The following CSMD1 variants were observed in gnomAD, a reference collection of about 807,000 sequenced individuals.
CSMD1 encodes CUB and sushi domain-containing protein 1.
In CSMD1, 213 loss-of-function variants were observed where a neutral mutation model predicts 417.5. That is an observed-to-expected ratio of 0.51 (90% CI 0.46 to 0.57). CSMD1 has a LOEUF of 0.57. CSMD1 is among the 20% of genes least tolerant of loss of function. CSMD1 has a pLI of 0.00. For synonymous variants in CSMD1, 2,862 were observed against 1,736.8 expected, an observed-to-expected ratio of 1.65 and a Z score of -16.11; for missense variants, 6,923 against 4,529.7, an observed-to-expected ratio of 1.53 and a Z score of -15.17.
intron 1 of CSMD1, among the ~76,000 whole-genome samples, chr8:4,895,857 T>C (rs894285497): frequency 5.3e-5 from 8 of 152,296 alleles, no homozygotes; most frequent in African/African-American, 1.9e-4. Flanking sequence ...TTATTTATCT[T>C]CCTTTCACTT....
At chr8:4,603,618 A>G (rs1800709017) in intron 2 of CSMD1, among the ~76,000 whole-genome samples, 1 of 152,158 alleles carries the variant, frequency 6.6e-6, no homozygotes. Flanking sequence ...ACATGAAAAT[A>G]AAATGAATAT....
At chr8:3,504,623 T>C (rs1796746867) in intron 10 of CSMD1, among the ~76,000 whole-genome samples, 1 of 152,208 alleles carries the variant, frequency 6.6e-6, no homozygotes, top group East Asian at 1.9e-4. Flanking sequence ...AACTCATCTG[T>C]CTTCTCTCTG....
chr8:4,306,366 C>T (rs1798246519), intron 3 of CSMD1, among the ~76,000 whole-genome samples: 1 of 151,260 alleles, frequency 6.6e-6, no homozygotes, highest in Non-Finnish European at 1.5e-5. Context: ...AATCAATGAG[C>T]CTCACTCTGA....
intron 47 of CSMD1, among the ~76,000 whole-genome samples, chr8:3,092,045 G>C (rs887930014): frequency 6.6e-6 from 1 of 152,126 alleles, no homozygotes; most frequent in East Asian, 1.9e-4. Context: ...GAATCACTTT[G>C]GAGGGCTGTT....
chr8:4,133,338 C>T (rs532792293), intron 3 of CSMD1, among the ~76,000 whole-genome samples: 1 of 152,314 alleles, frequency 6.6e-6, no homozygotes, highest in South Asian at 2.1e-4. Context: ...ATAGACTTCT[C>T]AGCATGGTAA....
chr8:3,163,994 T>C (rs1378752345), intron 37 of CSMD1, among the ~76,000 whole-genome samples: 1 of 152,200 alleles, frequency 6.6e-6, no homozygotes, highest in Non-Finnish European at 1.5e-5. Context: ...GCCTGGATGA[T>C]GGAGCCTGTA....
intron 2 of CSMD1, among the ~76,000 whole-genome samples, chr8:4,467,560 G>C (rs1442494483): frequency 2.6e-5 from 4 of 152,138 alleles, no homozygotes; most frequent in Non-Finnish European, 4.4e-5. Flanking sequence ...TTGAAAAATT[G>C]TTATTTTAAG....
chr8:3,793,152 C>G (rs1167961312), intron 5 of CSMD1, among the ~76,000 whole-genome samples: 2 of 152,112 alleles, frequency 1.3e-5, no homozygotes, highest in African/African-American at 4.8e-5. Context: ...AATAATTTAC[C>G]ACTTTGCAGA....
At chr8:4,538,925 T>C (rs898914301) in intron 2 of CSMD1, among the ~76,000 whole-genome samples, 1 of 152,192 alleles carries the variant, frequency 6.6e-6, no homozygotes, top group Admixed American at 6.5e-5. Flanking sequence ...AAAGCCCATA[T>C]TGAATGCAGA....
At chr8:2,949,803 C>A (rs913830105) in intron 67 of CSMD1, among the ~76,000 whole-genome samples, 4 of 152,080 alleles carry the variant, frequency 2.6e-5, no homozygotes, top group African/African-American at 9.7e-5. Context: ...AGAACACGAA[C>A]AAATGGTTAA....
chr8:4,565,015 G>C (rs1478069153), intron 2 of CSMD1, among the ~76,000 whole-genome samples: 1 of 152,158 alleles, frequency 6.6e-6, no homozygotes, highest in East Asian at 1.9e-4. Context: ...AATGATAGAT[G>C]TCTGTCATCT....
intron 10 of CSMD1, among the ~76,000 whole-genome samples, chr8:3,521,400 T>C (rs2117452055): frequency 6.6e-6 from 1 of 152,300 alleles, no homozygotes; most frequent in South Asian, 2.1e-4. Flanking sequence ...AACAATTCAG[T>C]GCCACCATTT....
chr8:4,599,676 T>C (rs909020073), intron 2 of CSMD1, among the ~76,000 whole-genome samples: 1 of 152,192 alleles, frequency 6.6e-6, no homozygotes, highest in African/African-American at 2.4e-5. Flanking sequence ...ATGCAAACTA[T>C]TTCACCATCA....
chr8:4,154,012 T>C (rs536463291), intron 3 of CSMD1, among the ~76,000 whole-genome samples: 3 of 152,308 alleles, frequency 2.0e-5, no homozygotes, highest in Admixed American at 2.0e-4. Flanking sequence ...TCCATCCTCA[T>C]TTTGCACCGT....
chr8:4,228,166 C>T (rs528369639), intron 3 of CSMD1, among the ~76,000 whole-genome samples: 4 of 152,174 alleles, frequency 2.6e-5, no homozygotes, highest in South Asian at 2.1e-4. Context: ...GAAGGAAACA[C>T]CCCCTCCACC....
At chr8:4,064,099 C>G (rs1452707594) in intron 3 of CSMD1, among the ~76,000 whole-genome samples, 8 of 152,290 alleles carry the variant, frequency 5.3e-5, no homozygotes, top group Admixed American at 5.2e-4. Context: ...CGAATCTACT[C>G]TCCTGCAGCA....
At chr8:3,513,111 T>C (rs1307328520) in intron 10 of CSMD1, among the ~76,000 whole-genome samples, 1 of 146,626 alleles carries the variant, frequency 6.8e-6, no homozygotes, top group African/African-American at 2.7e-5. Context: ...GGTGAATGCA[T>C]TGAATTATTA....
intron 1 of CSMD1, among the ~76,000 whole-genome samples, chr8:4,656,759 C>T (rs765464999): frequency 3.4e-4 from 52 of 151,928 alleles, no homozygotes; most frequent in Admixed American, 1.4e-3. Context: ...CCGCAGGAGG[C>T]AGTGGCAGAC....
At chr8:4,476,700 G>C (rs1299004904) in intron 2 of CSMD1, among the ~76,000 whole-genome samples, 4 of 152,014 alleles carry the variant, frequency 2.6e-5, no homozygotes, top group Admixed American at 2.6e-4. Context: ...TTCAAGTCCC[G>C]ATTTCACCAC....
Sources: gnomAD v4.1 joint callset for allele counts (sites outside exome capture counted in the v4.1 genomes callset) on GRCh38, gnomAD v4.1.1 for gene constraint, MANE v1.5 for transcripts, NCBI Gene and HGNC (gene_info 2026-07-23, HGNC 2026-07-21) for gene names.